The following HDAC7 variants were observed in gnomAD, a reference collection of about 807,000 sequenced individuals.
The protein encoded by HDAC7 is histone deacetylase 7A.
A neutral mutation model predicts 115.5 loss-of-function variants in HDAC7; 26 were observed. The observed-to-expected ratio is 0.23, with a 90% confidence interval of 0.16 to 0.31. HDAC7 has a LOEUF of 0.31. Among genes scored for constraint, HDAC7 ranks in the 10% least tolerant of loss-of-function variants. The pLI is 1.00. For missense variants in HDAC7, 1,068 were observed against 1,329.0 expected, an observed-to-expected ratio of 0.80 and a Z score of 3.05; for synonymous variants, 564 against 550.9, an observed-to-expected ratio of 1.02 and a Z score of -0.33.
Position 47,783,905 on chromosome 12 carries a change from GTGGGA to G in HDAC7, c.2931-24_2931-20del, listed in dbSNP as rs758437026. 31 of 1,613,030 alleles carry G rather than the reference GTGGGA, an allele frequency of 1.9e-5. No individual in the cohort carries two copies. The highest frequency in any genetic ancestry group is 2.5e-5 in the Non-Finnish European group (30 of 1,179,696). ...CGAGGGCCTGTGGGGAGGGACAAGG[GTGGGA>G]TGCTGGAGCACCAGGGCTGCAGCAA... On this transcript the variant is annotated intron_variant, in intron 25 of 25. Coordinates refer to ENST00000080059, the MANE Select transcript of HDAC7 (RefSeq NM_015401.5).
rs936228126 is a variant in HDAC7, at chr12:47,798,349, C to T, written c.350-130G>A. 1.9e-5 allele frequency: 16 copies of T among 838,562 alleles called. No homozygotes were observed. Among genetic ancestry groups the T allele is most frequent in the East Asian group, 1.8e-4 (7 of 39,978 alleles). The allele number at this position is 838,562 out of a possible 1,614,324, so 51.9% of individuals were successfully genotyped here. On this transcript the variant is annotated intron_variant, in intron 4 of 25. Transcript: ENST00000080059. The surrounding 1 kb of genome is among the most constrained non-coding windows in gnomAD (Gnocchi z 4.3). ...GGACTCCCTAGGCAAGAGCCAAGCC[C>T]GAGGCCCTACCCCTCCCTAGAGCCT...
At chr12:47,784,866 C>T (rs1485395692) in intron 24 of HDAC7, 52 of 1,172,998 alleles carry the variant, frequency 4.4e-5, no homozygotes, top group Non-Finnish European at 6.1e-5. Flanking sequence ...CTACCCAGCC[C>T]TTGATATGGG....
At chr12:47,810,665 C>T (rs1288577727) in intron 1 of HDAC7, among the ~76,000 whole-genome samples, 2 of 152,212 alleles carry the variant, frequency 1.3e-5, no homozygotes, top group East Asian at 3.8e-4. Flanking sequence ...AAGCAAACCT[C>T]CCAGGGCTGC....
rs962021462 is a variant in HDAC7, at chr12:47,796,348, G to C, written c.704-50C>G. The C allele has an allele frequency of 2.1e-6, 3 of 1,454,932 alleles. No homozygotes were observed. In the Admixed American group the frequency reaches 6.9e-5, roughly 34 times the overall value. The allele number at this position is 1,454,932 out of a possible 1,614,324, so 90.1% of individuals were successfully genotyped here. ...TGCAGTCAGAGGCCAGGGTGGGCAG[G>C]AGGGTACAGCCAGGCCGCCTGGTGC... On this transcript the variant is annotated intron_variant, in intron 7 of 25. Coordinates refer to ENST00000080059, the MANE Select transcript of HDAC7 (RefSeq NM_015401.5).
chr12:47,811,761 C>G (rs760384445), intron 1 of HDAC7, among the ~76,000 whole-genome samples: 4 of 152,224 alleles, frequency 2.6e-5, no homozygotes, highest in Non-Finnish European at 4.4e-5. Context: ...TTCACCGCCC[C>G]CGGGTCTTCT....
intron 2 of HDAC7, among the ~76,000 whole-genome samples, chr12:47,799,922 G>C (rs1489784850): frequency 6.6e-6 from 1 of 152,190 alleles, no homozygotes; most frequent in East Asian, 1.9e-4. Context: ...CCCCATGGGA[G>C]GGCACACAAG....
rs1565794302 is a variant in HDAC7 at position 47,787,640 on chromosome 12, TC to T, written c.2453+71del. On this transcript the variant is annotated intron_variant, in intron 21 of 25. Coordinates refer to ENST00000080059, the MANE Select transcript of HDAC7 (RefSeq NM_015401.5). ...CAGGCTGACAATCCAACTGATCACC[TC>T]CCCCCTGGTGCTCTTGGGAGAAGGG... 19 of 1,054,912 alleles carry T rather than the reference TC, an allele frequency of 1.8e-5. No homozygotes were observed. The South Asian group carries it at 2.1e-4, about 12-fold the overall frequency. 65.3% of individuals were successfully genotyped at this position (1,054,912 alleles called of 1,614,324 possible). A position where few individuals can be genotyped will look rare whatever the true frequency, so the allele number is the denominator to read the frequency against.
chr12:47,802,299 A>G, intron 1 of HDAC7, 25 bp from the exon 2 acceptor site: 8 of 1,611,650 alleles, frequency 5.0e-6, no homozygotes, highest in Non-Finnish European at 6.8e-6. Context: ...ACGGAGTGAA[A>G]GAGCTGCAGG....
intron 17 of HDAC7, 94 bp from the exon 18 acceptor site, chr12:47,789,672 C>G: frequency 6.8e-7 from 1 of 1,481,426 alleles, no homozygotes; most frequent in Non-Finnish European, 9.4e-7. Context: ...ACCTGGTTCC[C>G]AGAGCCCTCA....
chr12:47,801,580 C>T (rs1286131533), intron 2 of HDAC7, among the ~76,000 whole-genome samples: 1 of 152,178 alleles, frequency 6.6e-6, no homozygotes, highest in Non-Finnish European at 1.5e-5. Context: ...TTTCTCCCTG[C>T]TATATGGAAT....
rs560572991 is a variant in HDAC7, at chr12:47,813,848, A to G, written c.19+5919T>C. On this transcript the variant is annotated intron_variant, in intron 1 of 25. Coordinates refer to ENST00000080059, the MANE Select transcript of HDAC7 (RefSeq NM_015401.5). The stretch of plus-strand genomic sequence containing the variant: ...GGAGTCAGGGCTCCTTTGACACTCA[A>G]TAATCTAAGGCAAGGGCCAGGCAAC... 3.3e-5 allele frequency among the ~76,000 whole-genome samples: 5 copies of G among 152,284 alleles called. No homozygotes were observed. In the South Asian group the frequency reaches 8.3e-4, roughly 25 times the overall value.
chr12:47,790,400 T>C (rs1268539215), intron 16 of HDAC7: 1 of 163,686 alleles, frequency 6.1e-6, no homozygotes, highest in South Asian at 1.6e-4. Flanking sequence ...GGGGGCATGA[T>C]GGGGAGATGG....
rs139776288 is a variant in HDAC7, at chr12:47,795,459, C to G, written c.1088-79G>C. On this transcript the variant is annotated intron_variant, in intron 10 of 25. Coordinates refer to ENST00000080059, the MANE Select transcript of HDAC7 (RefSeq NM_015401.5). The surrounding 1 kb of genome is among the most constrained non-coding windows in gnomAD (Gnocchi z 4.3). Reference sequence around the variant, plus strand: ...GAAGCGAGGGTATAGGGTGGGGGGCCAGGGTGCAGCAGGGCAATGCGCAGG... The same window carrying G: ...GAAGCGAGGGTATAGGGTGGGGGGCGAGGGTGCAGCAGGGCAATGCGCAGG... The G allele has an allele frequency of 1.4e-3, 1,889 of 1,347,222 alleles. 28 individuals are homozygous for G. The African/African-American group carries it at 0.025, about 18-fold the overall frequency. The allele number at this position is 1,347,222 out of a possible 1,614,324, so 83.5% of individuals were successfully genotyped here.
chr12:47,795,674 C>G lies in HDAC7; in HGVS notation c.1000G>C (p.Glu334Gln). 1.9e-6 allele frequency: 3 copies of G among 1,552,294 alleles called. No homozygotes were observed. Among genetic ancestry groups the G allele is most frequent in the Non-Finnish European group, 2.6e-6 (3 of 1,147,566 alleles). ...GGCAAGGTGCCCCCAGCCTCGGGCT[C>G]CAAGCCATGGGGCAGGAAGAGGGGA... ...HTPLFLPHGL[E>Q]PEAGGTLPSR... is the part of the protein sequence containing the mutation. The change falls in exon 10 of 26, where the codon GAG (glutamate) becomes CAG (glutamine). Residue 334 changes from glutamate (E) to glutamine (Q), a missense_variant. By Grantham distance (29) the Glu-to-Gln change is conservative. This residue lies in a region of HDAC7 where 618 missense variants were observed against 701.5 expected (regional missense o/e 0.88). Transcript: ENST00000080059. The surrounding 1 kb of genome is among the most constrained non-coding windows in gnomAD (Gnocchi z 4.3).
At chr12:47,816,551 CA>C (rs1360434930) in intron 1 of HDAC7, among the ~76,000 whole-genome samples, 3 of 152,210 alleles carry the variant, frequency 2.0e-5, no homozygotes, top group Non-Finnish European at 4.4e-5. Flanking sequence ...CACAGATACC[CA>C]CCACGCACCC....
chr12:47,786,414 G>A (rs533817131), intron 22 of HDAC7, among the ~76,000 whole-genome samples, 171 bp downstream of exon 22: 2 of 152,328 alleles, frequency 1.3e-5, no homozygotes, highest in South Asian at 4.1e-4. Context: ...GGCTGTGCTC[G>A]GCTAGGAGAT....
intron 1 of HDAC7, among the ~76,000 whole-genome samples, chr12:47,810,804 G>GTCTCTCTCTCTCTCTCTCTC (rs60132211): frequency 2.1e-4 from 27 of 131,582 alleles, no homozygotes; most frequent in Non-Finnish European, 3.5e-4. Context: ...GGAGGAAAAG[G>GTCTCTCTCTCTCTCTCTCTC]TCTCTCTCTC....
intron 1 of HDAC7, among the ~76,000 whole-genome samples, chr12:47,808,250 T>A (rs1427150675): frequency 6.6e-6 from 1 of 152,188 alleles, no homozygotes; most frequent in African/African-American, 2.4e-5. Flanking sequence ...AGTCTCTTTC[T>A]GGGAATCCCA....
intron 7 of HDAC7, 128 bp from the exon 8 acceptor site, chr12:47,796,426 C>CTTTTTT (rs35550737): frequency 4.8e-4 from 222 of 464,144 alleles, no homozygotes; most frequent in Middle Eastern, 1.2e-3. Context: ...TTCCTGCTTT[C>CTTTTTT]TTTTTTTTTT....
Sources: gnomAD v4.1 joint callset for allele counts (sites outside exome capture counted in the v4.1 genomes callset) on GRCh38, gnomAD v4.1.1 for gene constraint, gnomAD v4.1.1 regional missense constraint, Gnocchi (gnomAD v3.1) non-coding constraint, MANE v1.5 for transcripts, NCBI Gene and HGNC (gene_info 2026-07-23, HGNC 2026-07-21) for gene names.